The following PRKCQ variants were observed in gnomAD, a reference collection of about 807,000 sequenced individuals.
PRKCQ encodes the protein protein kinase C theta type.
PRKCQ carries 41 observed loss-of-function variants against 91.2 expected under a neutral mutation model. The observed-to-expected ratio is 0.45, with a 90% CI of 0.35 to 0.58. The LOEUF is 0.58. Among genes scored for constraint, PRKCQ ranks in the 20% least tolerant of loss-of-function variants. PRKCQ has a pLI of 0.00. For missense variants in PRKCQ, 673 were observed against 896.5 expected (o/e 0.75, Z 3.18); for synonymous variants, 307 against 316.9 (o/e 0.97, Z 0.33).
chr10:6,496,328 C>T (rs1487911002), intron 7 of PRKCQ, among the ~76,000 whole-genome samples: 1 of 151,708 alleles, frequency 6.6e-6, no homozygotes, highest in African/African-American at 2.4e-5. Context: ...TGCCCATGTG[C>T]TAGCCCAGTT....
intron 1 of PRKCQ, among the ~76,000 whole-genome samples, chr10:6,558,889 A>G (rs572846683): frequency 6.6e-6 from 1 of 152,274 alleles, no homozygotes; most frequent in East Asian, 1.9e-4. Context: ...AACTAGGGCT[A>G]TTGATTCTCC....
At chr10:6,570,637 C>T (rs1841008848) in intron 1 of PRKCQ, among the ~76,000 whole-genome samples, 1 of 151,528 alleles carries the variant, frequency 6.6e-6, no homozygotes, top group Non-Finnish European at 1.5e-5. Context: ...TCACTGCAAC[C>T]TCTGTCTCCT....
intron 1 of PRKCQ, among the ~76,000 whole-genome samples, chr10:6,532,618 A>T (rs929453647): frequency 4.6e-5 from 7 of 152,242 alleles, no homozygotes; most frequent in Non-Finnish European, 1.0e-4. Flanking sequence ...TTCTTACAAG[A>T]CACCAATCTC....
chr10:6,555,995 C>T (rs371999285), intron 1 of PRKCQ, among the ~76,000 whole-genome samples: 16 of 152,154 alleles, frequency 1.1e-4, no homozygotes, highest in African/African-American at 3.4e-4. Flanking sequence ...GGTAACAGAG[C>T]GAGACTCTGC....
intron 1 of PRKCQ, among the ~76,000 whole-genome samples, chr10:6,516,839 A>T (rs1034118159): frequency 7.9e-5 from 12 of 152,170 alleles, no homozygotes; most frequent in African/African-American, 2.4e-4. Context: ...GGAAGAGAAG[A>T]TGGAAACCTC....
intron 12 of PRKCQ, among the ~76,000 whole-genome samples, chr10:6,469,364 C>T (rs1289254709): frequency 6.6e-6 from 1 of 152,126 alleles, no homozygotes; most frequent in Non-Finnish European, 1.5e-5. Flanking sequence ...AAGGACAGAA[C>T]CTAGGGAGAT....
chr10:6,435,868 A>G (rs1403849114), intron 16 of PRKCQ, among the ~76,000 whole-genome samples: 1 of 152,116 alleles, frequency 6.6e-6, no homozygotes, highest in Non-Finnish European at 1.5e-5. Flanking sequence ...ATCCCAGCAC[A>G]TTGGGAGGCT....
chr10:6,394,797 T>A, the PRKCQ span, among the ~76,000 whole-genome samples: 1 of 142,778 alleles, frequency 7.0e-6, no homozygotes, highest in Admixed American at 6.8e-5. Flanking sequence ...CAAAAACAAA[T>A]AGTGATTGTG....
chr10:6,418,697 T>G, the PRKCQ span, among the ~76,000 whole-genome samples: 1 of 152,166 alleles, frequency 6.6e-6, no homozygotes, highest in Admixed American at 6.5e-5. Flanking sequence ...CCTCTAAATG[T>G]GTCTGATAAA....
chr10:6,483,706 C>A lies in PRKCQ; in HGVS notation c.1019-106G>T, dbSNP rs1019263682. 2.2e-6 allele frequency: 3 copies of A among 1,337,566 alleles called. No homozygotes were observed. The South Asian group carries it at 4.1e-5, about 18-fold the overall frequency. The allele number at this position is 1,337,566 out of a possible 1,614,324, so 82.9% of individuals were successfully genotyped here. ...TCTACTTCCCATGCTGAGGCTCCAT[C>A]ATAGTAATTGGGGGTGTTTAGAGGG... On this transcript the variant is annotated intron_variant, in intron 10 of 17. Coordinates refer to ENST00000263125, the MANE Select transcript of PRKCQ (RefSeq NM_006257.5).
At chr10:6,397,245 C>T in the PRKCQ span, among the ~76,000 whole-genome samples, 4 of 152,142 alleles carry the variant, frequency 2.6e-5, no homozygotes, top group South Asian at 6.2e-4. Flanking sequence ...TACAGGCATG[C>T]GCCAACTTGC....
chr10:6,437,422 T>A, intron 16 of PRKCQ, among the ~76,000 whole-genome samples: 1 of 152,164 alleles, frequency 6.6e-6, no homozygotes. Context: ...CTGCTGGACC[T>A]TAATCTTGGA....
intron 1 of PRKCQ, among the ~76,000 whole-genome samples, chr10:6,526,602 C>G (rs573627482): frequency 6.6e-6 from 1 of 152,048 alleles, no homozygotes; most frequent in Non-Finnish European, 1.5e-5. Flanking sequence ...TGAACGTTCC[C>G]GGCCGAAACA....
chr10:6,554,412 T>C (rs1840331017), intron 1 of PRKCQ, among the ~76,000 whole-genome samples: 1 of 152,218 alleles, frequency 6.6e-6, no homozygotes, highest in South Asian at 2.1e-4. Flanking sequence ...AGTTTTCCTT[T>C]CTATTACTTT....
chr10:6,500,501 A>G (rs1837846694), intron 4 of PRKCQ, among the ~76,000 whole-genome samples: 1 of 151,644 alleles, frequency 6.6e-6, no homozygotes, highest in South Asian at 2.1e-4. Flanking sequence ...TTTCTACATT[A>G]GACTATAGTA....
intron 1 of PRKCQ, among the ~76,000 whole-genome samples, chr10:6,516,809 G>C (rs535600392): frequency 6.6e-6 from 1 of 152,122 alleles, no homozygotes; most frequent in African/African-American, 2.4e-5. Flanking sequence ...CCCAGCAGGC[G>C]TCTGGGAAAT....
intron 1 of PRKCQ, among the ~76,000 whole-genome samples, chr10:6,561,024 G>A (rs953140347): frequency 2.1e-5 from 3 of 141,650 alleles, no homozygotes; most frequent in Non-Finnish European, 3.1e-5. Context: ...GGGCGACAGA[G>A]GGAGACTCCA....
At position 6,479,028 on chromosome 10, in the gene PRKCQ, C is replaced by T. The variant is rs748660677; in HGVS notation, c.1317G>A (p.Pro439=). The part of the protein sequence containing the change: ...KRVLSLAWEH[P]FLTHMFCTFQ... ...ATGTACAAAACATGTGCGTCAGAAA[C>T]GGATGCTCCCAGGCCAAGGAAAGAA... Residue 439 remains proline, a synonymous_variant, in exon 12 of 18, where the codon CCG becomes CCA. Transcript: ENST00000263125. The T allele has an allele frequency of 1.5e-5, 24 of 1,614,032 alleles. No individual in the cohort carries two copies. The highest frequency in any genetic ancestry group is 6.6e-5 in the South Asian group (6 of 91,088).
At chr10:6,458,415 T>C (rs1835142614) in intron 14 of PRKCQ, among the ~76,000 whole-genome samples, 1 of 152,102 alleles carries the variant, frequency 6.6e-6, no homozygotes, top group Non-Finnish European at 1.5e-5. Context: ...TTACACCCTA[T>C]GGGGCATCAG....
Sources: allele counts gnomAD v4.1 joint callset (sites outside exome capture counted in the v4.1 genomes callset), GRCh38; gene constraint gnomAD v4.1.1; transcripts MANE v1.5; gene names NCBI Gene and HGNC (gene_info 2026-07-23, HGNC 2026-07-21).